LRP1B: variants seen among roughly 807,000 people sequenced by gnomAD.
LRP1B encodes LDL receptor related protein 1B.
In LRP1B, 217 loss-of-function variants were observed where a neutral mutation model predicts 556.6. The ratio of observed to expected loss-of-function variants is 0.39; its 90% CI spans 0.35 to 0.44. The LOEUF (loss-of-function observed/expected upper bound fraction) is 0.44. LRP1B is among the 20% of genes least tolerant of loss of function. The probability of loss-of-function intolerance (pLI) is 1.00; values close to 1 mark genes in which losing one functional copy is unlikely to be tolerated. For missense variants in LRP1B, 5,053 were observed against 5,620.8 expected (o/e 0.90, Z 3.23); for synonymous variants, 2,047 against 1,865.8 (o/e 1.10, Z -2.50).
chr2:141,840,175 A>G (rs775353009), intron 1 of LRP1B, among the ~76,000 whole-genome samples: 4 of 151,516 alleles, frequency 2.6e-5, no homozygotes, highest in Non-Finnish European at 5.9e-5. Context: ...CTATATACCA[A>G]TTTGTATAAT....
intron 2 of LRP1B, among the ~76,000 whole-genome samples, chr2:141,794,726 A>G (rs1320884738): frequency 1.3e-5 from 2 of 152,050 alleles, no homozygotes; most frequent in Admixed American, 1.3e-4. Context: ...ATTTTAATAA[A>G]GTATATAATT....
rs1381791260 is a variant in LRP1B, at chr2:140,475,268, C to T, written c.9495G>A (p.Gln3165=). ...IGRVGMDGTN[Q]SVVIETKISR... Reference sequence around the variant, plus strand: ...AAATCTTGGTTTCTATGACAACACTCTGATTGGTTCCATCCATTCCAACAC... The same window carrying T: ...AAATCTTGGTTTCTATGACAACACTTTGATTGGTTCCATCCATTCCAACAC... The change falls in exon 60 of 91, where the codon CAG becomes CAA. Residue 3165 remains glutamine, a synonymous_variant. Transcript: ENST00000389484. 2 of 1,612,142 alleles carry T rather than the reference C, an allele frequency of 1.2e-6. No homozygotes were observed. Among genetic ancestry groups the T allele is most frequent in the East Asian group, 2.2e-5 (1 of 44,778 alleles).
At chr2:140,995,923 A>C (rs1047399652) in intron 15 of LRP1B, among the ~76,000 whole-genome samples, 5 of 152,022 alleles carry the variant, frequency 3.3e-5, no homozygotes, top group Admixed American at 2.6e-4. Flanking sequence ...ATATGTGGCA[A>C]TCAAGGGTTA....
At chr2:141,741,263 C>CTTTTTTTTTTTTT (rs11326947) in intron 2 of LRP1B, among the ~76,000 whole-genome samples, 7 of 57,982 alleles carry the variant, frequency 1.2e-4, no homozygotes, top group African/African-American at 2.2e-4. Flanking sequence ...TACTGATTTC[C>CTTTTTTTTTTTTT]TTTTTTTTTT....
chr2:141,438,488 A>G (rs1170841112), intron 3 of LRP1B, among the ~76,000 whole-genome samples: 2 of 152,176 alleles, frequency 1.3e-5, no homozygotes, highest in Non-Finnish European at 2.9e-5. Context: ...CACTTGTTAG[A>G]GTGGCTTCCA....
chr2:140,446,522 T>C (rs1471301540), intron 63 of LRP1B, among the ~76,000 whole-genome samples: 1 of 152,124 alleles, frequency 6.6e-6, no homozygotes, highest in Non-Finnish European at 1.5e-5. Context: ...CAGGTATTGA[T>C]GATGCATCTA....
chr2:141,894,635 TTAGATCTAGATCTAGATC>T (rs6146947), intron 1 of LRP1B, among the ~76,000 whole-genome samples: 3,063 of 147,770 alleles, frequency 0.021, 49 homozygotes, highest in South Asian at 0.035. Context: ...AATAGAATAT[TTAGATCTAGATCTAGATC>T]TAGATCTAGA....
intron 41 of LRP1B, among the ~76,000 whole-genome samples, chr2:140,681,227 T>G (rs1407392091): frequency 6.6e-6 from 1 of 152,116 alleles, no homozygotes; most frequent in African/African-American, 2.4e-5. Flanking sequence ...AAACACTGAA[T>G]CACATATTCC....
intron 18 of LRP1B, among the ~76,000 whole-genome samples, chr2:140,969,417 G>A (rs992288337): frequency 5.9e-5 from 9 of 151,998 alleles, no homozygotes; most frequent in Non-Finnish European, 1.5e-5. Flanking sequence ...GAGCCTATGT[G>A]TGACTCTGCA....
chr2:141,453,904 C>T (rs1681524517), intron 3 of LRP1B, among the ~76,000 whole-genome samples: 1 of 146,216 alleles, frequency 6.8e-6, no homozygotes, highest in Non-Finnish European at 1.5e-5. Flanking sequence ...CAAAGTGAGA[C>T]TCTGTCTCAA....
At chr2:141,841,864 T>G (rs1697488398) in intron 1 of LRP1B, among the ~76,000 whole-genome samples, 1 of 152,126 alleles carries the variant, frequency 6.6e-6, no homozygotes, top group Non-Finnish European at 1.5e-5. Context: ...GCCACAATAA[T>G]AAAGATATGT....
At chr2:140,355,525 A>G (rs1682170024) in intron 75 of LRP1B, among the ~76,000 whole-genome samples, 1 of 151,938 alleles carries the variant, frequency 6.6e-6, no homozygotes, top group Admixed American at 6.6e-5. Context: ...AAATAATTCC[A>G]TTTTGATTAA....
At position 141,102,323 on chromosome 2, in the gene LRP1B, T is replaced by A. The variant is rs181865954; in HGVS notation, c.1014-40050A>T. ...TAACATAAACTTGTATTTAGACTCC[T>A]CTGTTTATATTGTACAGGTCATACT... On this transcript the variant is annotated intron_variant, in intron 7 of 90. Coordinates refer to ENST00000389484, the MANE Select transcript of LRP1B (RefSeq NM_018557.3). Among the ~76,000 whole-genome samples, 334 of 152,296 alleles carry A rather than the reference T, an allele frequency of 2.2e-3. 1 individual carries two copies. The highest frequency in any genetic ancestry group is 7.5e-3 in the African/African-American group (314 of 41,590).
chr2:140,555,524 C>T (rs1329915067), intron 43 of LRP1B, among the ~76,000 whole-genome samples: 1 of 152,006 alleles, frequency 6.6e-6, no homozygotes, highest in Non-Finnish European at 1.5e-5. Context: ...AAACACTTGG[C>T]ATGGCAACAC....
intron 89 of LRP1B, 67 bp from the exon 90 acceptor site, chr2:140,234,951 T>C (rs764130596): frequency 5.9e-5 from 40 of 679,688 alleles, no homozygotes; most frequent in Non-Finnish European, 1.0e-4. Flanking sequence ...TCGATACATA[T>C]CATGTTAATT....
chr2:140,325,861 A>T lies in LRP1B; in HGVS notation c.12241T>A (p.Phe4081Ile). 1 of 1,611,794 alleles carries T rather than the reference A, an allele frequency of 6.2e-7. No homozygotes were observed. Among genetic ancestry groups the T allele is most frequent in the Non-Finnish European group, 8.5e-7 (1 of 1,178,420 alleles). The change falls in exon 80 of 91, where the codon TTT becomes ATT. Residue 4081 changes from phenylalanine to isoleucine, a missense_variant. Physicochemically the swap from Phe to Ile is conservative, Grantham distance 21 (BLOSUM62 0). This residue lies in a region of LRP1B where 22 missense variants were observed against 53.4 expected (regional missense o/e 0.41). Coordinates refer to ENST00000389484, the MANE Select transcript of LRP1B (RefSeq NM_018557.3). The part of the protein sequence containing the change: ...QRPTGLAVDY[F>I]SERIYWADFE... Reference sequence around the variant, plus strand: ...TCAGCCCAATATATGCGTTCACTAAAATAATCCACAGCCAAACCTGCAAAA... The same window carrying T: ...TCAGCCCAATATATGCGTTCACTAATATAATCCACAGCCAAACCTGCAAAA...
At chr2:141,960,464 C>T (rs994894020) in intron 1 of LRP1B, among the ~76,000 whole-genome samples, 2 of 151,822 alleles carry the variant, frequency 1.3e-5, no homozygotes, top group African/African-American at 2.4e-5. Flanking sequence ...AACATATTAT[C>T]GTGTATTTGC....
chr2:140,495,172 C>T (rs1454092641), intron 56 of LRP1B, among the ~76,000 whole-genome samples: 2 of 152,084 alleles, frequency 1.3e-5, no homozygotes, highest in Non-Finnish European at 2.9e-5. Flanking sequence ...AACTTGTTCT[C>T]TCTAGCATAT....
At chr2:140,378,636 ATTTAC>A (rs1683340507) in intron 67 of LRP1B, among the ~76,000 whole-genome samples, 1 of 152,120 alleles carries the variant, frequency 6.6e-6, no homozygotes, top group Non-Finnish European at 1.5e-5. Context: ...CATTTTATGT[ATTTAC>A]TTTAAGTAAG....
Sources: gnomAD v4.1 joint callset for allele counts (sites outside exome capture counted in the v4.1 genomes callset) on GRCh38, gnomAD v4.1.1 for gene constraint, gnomAD v4.1.1 regional missense constraint, MANE v1.5 for transcripts, NCBI Gene and HGNC (gene_info 2026-07-23, HGNC 2026-07-21) for gene names.